Variants in CREB5 observed in about 807,000 individuals in gnomAD.
CREB5 encodes the protein cyclic AMP-responsive element-binding protein 5.
Under a neutral mutation model 57.1 loss-of-function variants are expected in CREB5, and 19 were observed. The observed-to-expected ratio is 0.33, with a 90% CI of 0.23 to 0.49. CREB5 has a LOEUF of 0.49. Ranked by LOEUF, CREB5 falls within the 20% of genes least tolerant of loss-of-function variation. CREB5 has a pLI of 0.99. For missense variants in CREB5, 579 were observed against 671.6 expected (o/e 0.86, Z 1.52); for synonymous variants, 238 against 238.3 (o/e 1.00, Z 0.01).
chr7:28,474,188 A>G (rs970622221), intron 1 of CREB5, among the ~76,000 whole-genome samples: 1 of 152,092 alleles, frequency 6.6e-6, no homozygotes, highest in African/African-American at 2.4e-5. Flanking sequence ...GAGTATTACT[A>G]GTAGTAGGAG....
chr7:28,502,318 T>C (rs188613189), intron 3 of CREB5, among the ~76,000 whole-genome samples: 1 of 152,318 alleles, frequency 6.6e-6, no homozygotes, highest in Non-Finnish European at 1.5e-5. Context: ...TATTAAAATT[T>C]AGATAGGGAC....
intron 7 of CREB5, among the ~76,000 whole-genome samples, chr7:28,759,603 G>A (rs1370890372): frequency 1.3e-5 from 2 of 152,188 alleles, no homozygotes; most frequent in African/African-American, 4.8e-5. Context: ...ATTTCCTGCT[G>A]AGTTTACCAA....
intron 4 of CREB5, among the ~76,000 whole-genome samples, chr7:28,532,576 G>A (rs896790482): frequency 8.5e-5 from 13 of 152,174 alleles, no homozygotes; most frequent in Non-Finnish European, 1.2e-4. Context: ...CTCGGGTCTC[G>A]TGGATCGGAA....
intron 8 of CREB5, among the ~76,000 whole-genome samples, chr7:28,807,397 C>T (rs556003662): frequency 3.3e-5 from 5 of 152,238 alleles, no homozygotes; most frequent in South Asian, 2.1e-4. Context: ...TGCAGTGAAC[C>T]GAAATCGCGC....
chr7:28,389,414 C>T (rs1258082945), intron 1 of CREB5, among the ~76,000 whole-genome samples: 1 of 152,066 alleles, frequency 6.6e-6, no homozygotes, highest in Non-Finnish European at 1.5e-5. Flanking sequence ...GCACACTAAT[C>T]CAGGGCTACT....
chr7:28,349,603 G>A (rs971171574), intron 1 of CREB5, among the ~76,000 whole-genome samples: 4 of 152,000 alleles, frequency 2.6e-5, no homozygotes, highest in South Asian at 2.1e-4. Context: ...AAGGAAGTAG[G>A]ACCACCATCG....
intron 1 of CREB5, among the ~76,000 whole-genome samples, chr7:28,481,165 A>T (rs1354078274): frequency 6.6e-6 from 1 of 152,164 alleles, no homozygotes; most frequent in East Asian, 1.9e-4. Flanking sequence ...TAGTTTCCAG[A>T]GACAAAAGCT....
intron 1 of CREB5, among the ~76,000 whole-genome samples, chr7:28,375,763 T>C (rs1038079836): frequency 2.7e-5 from 4 of 148,666 alleles, no homozygotes; most frequent in Non-Finnish European, 5.9e-5. Flanking sequence ...AAAGCAAATA[T>C]GGAGGCCTGG....
chr7:28,651,441 G>T (rs1322414886), intron 5 of CREB5, among the ~76,000 whole-genome samples: 2 of 152,080 alleles, frequency 1.3e-5, no homozygotes, highest in Non-Finnish European at 2.9e-5. Context: ...TGAAACACAG[G>T]TTTAAGAAAG....
At chr7:28,451,450 CTGTGTGTGTGTGTGTG>C (rs6150047) in intron 1 of CREB5, among the ~76,000 whole-genome samples, 9 of 147,026 alleles carry the variant, frequency 6.1e-5, no homozygotes, top group South Asian at 4.5e-4. Context: ...CTTTGCCAAA[CTGTGTGTGTGTGTGTG>C]TGTGTGTGTG....
At chr7:28,676,044 C>T (rs1366160325) in intron 5 of CREB5, among the ~76,000 whole-genome samples, 2 of 152,116 alleles carry the variant, frequency 1.3e-5, no homozygotes, top group Non-Finnish European at 2.9e-5. Context: ...TGGAGAGTCT[C>T]TTCTGTCAAC....
At chr7:28,362,111 T>C (rs569880191) in intron 1 of CREB5, among the ~76,000 whole-genome samples, 1 of 152,340 alleles carries the variant, frequency 6.6e-6, no homozygotes, top group South Asian at 2.1e-4. Context: ...GTACATAGTA[T>C]ACTTATTGTA....
intron 5 of CREB5, among the ~76,000 whole-genome samples, chr7:28,672,983 C>T (rs954758595): frequency 1.3e-5 from 2 of 152,042 alleles, no homozygotes; most frequent in Non-Finnish European, 2.9e-5. Flanking sequence ...GTCCCCTGGA[C>T]CCCAGAAACC....
chr7:28,421,845 C>T (rs73684339), intron 1 of CREB5, among the ~76,000 whole-genome samples: 7,132 of 32,228 alleles, frequency 0.22, 597 homozygotes, highest in African/African-American at 0.44. Flanking sequence ...CACACACACA[C>T]ACTCTCTCTC....
intron 1 of CREB5, among the ~76,000 whole-genome samples, chr7:28,462,766 C>CT (rs1252495229): frequency 1.3e-5 from 2 of 151,942 alleles, no homozygotes; most frequent in Non-Finnish European, 2.9e-5. Flanking sequence ...AGGTTATTTG[C>CT]TTTTTTATTG....
At chr7:28,495,268 T>C (rs572505003) in intron 3 of CREB5, among the ~76,000 whole-genome samples, 1 of 152,326 alleles carries the variant, frequency 6.6e-6, no homozygotes, top group East Asian at 1.9e-4. Context: ...CTGGGCGCTA[T>C]GGCTCACACC....
At chr7:28,809,537 C>G in intron 9 of CREB5, 123 bp downstream of exon 9, 2 of 823,340 alleles carry the variant, frequency 2.4e-6, no homozygotes, top group Non-Finnish European at 3.7e-6. Context: ...AGAGGAGCCG[C>G]AGCCCCACTC....
intron 5 of CREB5, among the ~76,000 whole-genome samples, chr7:28,710,045 T>C (rs1165249442): frequency 1.3e-5 from 2 of 152,198 alleles, no homozygotes; most frequent in East Asian, 3.8e-4. Context: ...CTTGGCCTTT[T>C]CTTATGAAAT....
At chr7:28,763,439 A>G (rs961991977) in intron 7 of CREB5, among the ~76,000 whole-genome samples, 4 of 152,220 alleles carry the variant, frequency 2.6e-5, no homozygotes, top group Admixed American at 2.6e-4. Context: ...TTAGGAATAT[A>G]AAAGCCTTGG....
Sources: gnomAD v4.1 joint callset for allele counts (sites outside exome capture counted in the v4.1 genomes callset) on GRCh38, gnomAD v4.1.1 for gene constraint, MANE v1.5 for transcripts, NCBI Gene and HGNC (gene_info 2026-07-23, HGNC 2026-07-21) for gene names.